FRMPD3: variants seen among roughly 807,000 people sequenced by gnomAD.
The protein encoded by FRMPD3 is FERM and PDZ domain-containing protein 3.
In FRMPD3, 42 loss-of-function variants were observed where a neutral mutation model predicts 97.9. That is an observed-to-expected ratio of 0.43 (90% CI 0.34 to 0.55). The LOEUF is 0.55. Among genes scored for constraint, FRMPD3 ranks in the 20% least tolerant of loss-of-function variants. The probability of loss-of-function intolerance (pLI) is 0.03; values close to 1 mark genes in which losing one functional copy is unlikely to be tolerated. For missense variants in FRMPD3, 1,303 were observed against 1,457.7 expected (o/e 0.89, Z 1.73); for synonymous variants, 577 against 581.1 (o/e 0.99, Z 0.10).
intron 5 of FRMPD3, among the ~76,000 whole-genome samples, chrX:107,546,896 T>C (rs375112706): frequency 1.4e-4 from 16 of 111,286 alleles, no homozygotes; most frequent in African/African-American, 3.9e-4. Context: ...AAGGCAGAAT[T>C]AGTGAGAAGA....
chrX:107,464,507 T>C (rs957048204), intron 1 of FRMPD3, among the ~76,000 whole-genome samples: 1 of 111,180 alleles, frequency 9.0e-6, no homozygotes, highest in Non-Finnish European at 1.9e-5. Context: ...GAAAATGTCC[T>C]AGCCTATTGA....
In FRMPD3 at chrX:107,602,577, A is replaced by G. The variant is rs1924585533; in HGVS notation, c.4538A>G (p.Lys1513Arg). 8.3e-7 allele frequency: 1 copy of G among 1,210,616 alleles called. No homozygotes were observed. Among genetic ancestry groups the G allele is most frequent in the Non-Finnish European group, 1.1e-6 (1 of 895,256 alleles). ...ATGGCAGATGATGCCAGTGATGGCAAGGATGAGCTCTCCTACTCTATCCCC... is the reference window on the plus strand; with the variant it reads ...ATGGCAGATGATGCCAGTGATGGCAGGGATGAGCTCTCCTACTCTATCCCC... Reference protein sequence around the residue: ...CDMADDASDGKDELSYSIPMK... With the variant: ...CDMADDASDGRDELSYSIPMK... The change falls in exon 15 of 15, where the codon AAG (lysine) becomes AGG (arginine). Residue 1513 changes from lysine (K) to arginine (R), a missense_variant. Lys to Arg is a conservative substitution (Grantham distance 26). Transcript: ENST00000683843.
chrX:107,603,720 G>C lies in FRMPD3; in HGVS notation c.*347G>C. ...TGCTCAATCCGTGTTGGGCGCTGGGGGAGCCAGGGCCTGAAGCAAGCGGAC... is the reference window on the plus strand; with the variant it reads ...TGCTCAATCCGTGTTGGGCGCTGGGCGAGCCAGGGCCTGAAGCAAGCGGAC... On this transcript the variant is annotated 3_prime_UTR_variant, in exon 15 of 15. Coordinates refer to ENST00000683843, the MANE Select transcript of FRMPD3 (RefSeq NM_001388459.1). 2 of 172,428 alleles carry C rather than the reference G, an allele frequency of 1.2e-5. No individual in the cohort carries two copies. Among genetic ancestry groups the C allele is most frequent in the Admixed American group, 7.0e-5 (1 of 14,268 alleles). The allele number at this position is 172,428 out of a possible 1,213,427, so 14.2% of individuals were successfully genotyped here. A position where few individuals can be genotyped will look rare whatever the true frequency, so the allele number is the denominator to read the frequency against.
At chrX:107,535,833 T>A (rs1039300502) in intron 4 of FRMPD3, among the ~76,000 whole-genome samples, 14 of 110,902 alleles carry the variant, frequency 1.3e-4, no homozygotes, top group African/African-American at 4.6e-4. Flanking sequence ...TTTACCATAA[T>A]ATTGTTATTA....
rs746011644 is a variant in FRMPD3 at position 107,516,756 on chromosome X, T to A, written c.-7-9826T>A. 2.7e-4 allele frequency among the ~76,000 whole-genome samples: 30 copies of A among 110,465 alleles called. No individual in the cohort carries two copies. In the Middle Eastern group the frequency reaches 0.014, roughly 51 times the overall value. On this transcript the variant is annotated intron_variant, in intron 1 of 14. Coordinates refer to ENST00000683843, the MANE Select transcript of FRMPD3 (RefSeq NM_001388459.1). ...TTTTCTTGTAAATTTGTTTGAGTTCTTTGTAGATTCTGGATATTAGCCCTT... is the reference window on the plus strand; with the variant it reads ...TTTTCTTGTAAATTTGTTTGAGTTCATTGTAGATTCTGGATATTAGCCCTT...
intron 7 of FRMPD3, among the ~76,000 whole-genome samples, chrX:107,553,373 T>C (rs1464635048): frequency 9.4e-6 from 1 of 106,175 alleles, no homozygotes; most frequent in Non-Finnish European, 1.9e-5. Context: ...ATTGGCTGAG[T>C]AGAGCCAAAA....
intron 1 of FRMPD3, among the ~76,000 whole-genome samples, chrX:107,471,725 T>C (rs1204586963): frequency 8.9e-6 from 1 of 112,414 alleles, no homozygotes; most frequent in Non-Finnish European, 1.9e-5. Flanking sequence ...GTTGGTTCCA[T>C]GTCTTTGCTA....
At position 107,526,584 on chromosome X, in the gene FRMPD3, A is replaced by G; in HGVS notation, c.-5A>G. On this transcript the variant is annotated splice_region_variant and 5_prime_UTR_variant, in exon 2 of 15. The change abolishes an upstream ATG in the 5' untranslated region. Transcript: ENST00000683843. ...CTCCCACCTTCCCTTTTCCCCAGTC[A>G]TGTGATGCAGGAAGAGAGCGCAAAT... is the stretch of plus-strand genomic sequence containing the variant. The G allele has an allele frequency of 8.4e-7, 1 of 1,191,426 alleles. No homozygotes were observed. Among genetic ancestry groups the G allele is most frequent in the Non-Finnish European group, 1.1e-6 (1 of 887,276 alleles).
chrX:107,526,870 C>G, intron 2 of FRMPD3, 134 bp downstream of exon 2: 1 of 658,828 alleles, frequency 1.5e-6, no homozygotes, highest in Non-Finnish European at 2.2e-6. Flanking sequence ...TGAAGACTTG[C>G]CAACCAATAA....
At chrX:107,568,371 C>A (rs1427845686) in intron 12 of FRMPD3, among the ~76,000 whole-genome samples, 4 of 64,809 alleles carry the variant, frequency 6.2e-5, no homozygotes. Context: ...TGCTATCCCT[C>A]CCCCCTCCCC....
intron 5 of FRMPD3, among the ~76,000 whole-genome samples, chrX:107,548,489 C>T (rs915958198): frequency 8.9e-6 from 1 of 112,526 alleles, no homozygotes; most frequent in Non-Finnish European, 1.9e-5. Flanking sequence ...CAAGCACCTA[C>T]TGCCCATTCA....
intron 1 of FRMPD3, among the ~76,000 whole-genome samples, chrX:107,507,803 A>G (rs768240838): frequency 2.7e-5 from 3 of 112,534 alleles, no homozygotes; most frequent in Non-Finnish European, 5.6e-5. Flanking sequence ...GTCCCTTCTC[A>G]GAGAACACCC....
At chrX:107,478,884 A>ATC (rs1209579796) in intron 1 of FRMPD3, among the ~76,000 whole-genome samples, 1 of 111,735 alleles carries the variant, frequency 8.9e-6, no homozygotes, top group African/African-American at 3.3e-5. Flanking sequence ...AGAGCTGAGA[A>ATC]TCTGGTTTGG....
chrX:107,602,578 G>C lies in FRMPD3; in HGVS notation c.4539G>C (p.Lys1513Asn), dbSNP rs769306950. Residue 1513 changes from lysine (K) to asparagine (N), a missense_variant, in exon 15 of 15, where the codon AAG (lysine) becomes AAC (asparagine). Physicochemically the swap from Lys to Asn is moderately conservative, Grantham distance 94. This residue lies in a region of FRMPD3 where 764 missense variants were observed against 820.2 expected (regional missense o/e 0.93). Transcript: ENST00000683843. Reference protein sequence around the residue: ...CDMADDASDGKDELSYSIPMK... With the variant: ...CDMADDASDGNDELSYSIPMK... ...TGGCAGATGATGCCAGTGATGGCAA[G>C]GATGAGCTCTCCTACTCTATCCCCA... is the stretch of plus-strand genomic sequence containing the variant. 1.7e-6 allele frequency: 2 copies of C among 1,211,619 alleles called. No individual in the cohort carries two copies. The highest frequency in any genetic ancestry group is 2.2e-6 in the Non-Finnish European group (2 of 895,474).
rs765231649 is a variant in FRMPD3 at position 107,583,797 on chromosome X, G to A, written c.1441+7338G>A. 2.7e-5 allele frequency among the ~76,000 whole-genome samples: 3 copies of A among 110,579 alleles called. No individual in the cohort carries two copies. In the South Asian group the frequency reaches 1.1e-3, roughly 42 times the overall value. Reference sequence around the variant, plus strand: ...ATCGCCATTCTGACTGGCAAGACATGGTATCTTATTGTGGTTTTGATTTGC... The same window carrying A: ...ATCGCCATTCTGACTGGCAAGACATAGTATCTTATTGTGGTTTTGATTTGC... On this transcript the variant is annotated intron_variant, in intron 13 of 14. Coordinates refer to ENST00000683843, the MANE Select transcript of FRMPD3 (RefSeq NM_001388459.1).
chrX:107,550,204 C>T, intron 6 of FRMPD3, 48 bp downstream of exon 6: 1 of 851,982 alleles, frequency 1.2e-6, no homozygotes, highest in Non-Finnish European at 1.7e-6. Context: ...CTCCAGAGTA[C>T]ATGCAGTTGT....
intron 14 of FRMPD3, among the ~76,000 whole-genome samples, chrX:107,598,511 A>C (rs1226046709): frequency 8.9e-6 from 1 of 111,810 alleles, no homozygotes; most frequent in African/African-American, 3.3e-5. Context: ...ATTGAAAGAA[A>C]AGGAAAACGA....
intron 1 of FRMPD3, among the ~76,000 whole-genome samples, chrX:107,514,268 G>C (rs767330073): frequency 8.9e-6 from 1 of 111,909 alleles, no homozygotes; most frequent in Non-Finnish European, 1.9e-5. Context: ...CACACAAAAG[G>C]AGTTTGGATA....
chrX:107,601,420 T>C lies in FRMPD3; in HGVS notation c.3381T>C (p.Ala1127=). 3 of 1,189,376 alleles carry C rather than the reference T, an allele frequency of 2.5e-6. No individual in the cohort carries two copies. The highest frequency in any genetic ancestry group is 3.4e-6 in the Non-Finnish European group (3 of 885,069). ...AAGAGACCAGCCTGGTTCCCCGAGC[T>C]ACCTACCCCATGGCTCTGCAGAGCC... ...KLEETSLVPR[A]TYPMALQSPS... is the part of the protein sequence containing the mutation. Residue 1127 remains alanine (A), a synonymous_variant, in exon 15 of 15, where the codon GCT becomes GCC. Coordinates refer to ENST00000683843, the MANE Select transcript of FRMPD3 (RefSeq NM_001388459.1).
Sources: gnomAD v4.1 joint callset for allele counts (sites outside exome capture counted in the v4.1 genomes callset) on GRCh38, gnomAD v4.1.1 for gene constraint, gnomAD v4.1.1 regional missense constraint, MANE v1.5 for transcripts, NCBI Gene and HGNC (gene_info 2026-07-23, HGNC 2026-07-21) for gene names.